CDKAL1: variants seen among roughly 807,000 people sequenced by gnomAD.
CDKAL1 encodes the protein CDKAL1 threonylcarbamoyladenosine tRNA methylthiotransferase.
CDKAL1 carries 32 observed loss-of-function variants against 68.2 expected under a neutral mutation model. The ratio of observed to expected loss-of-function variants is 0.47; its 90% CI spans 0.35 to 0.63. CDKAL1 has a LOEUF of 0.63. Ranked by LOEUF, CDKAL1 falls within the 30% of genes least tolerant of loss-of-function variation. The pLI is 0.00. For missense variants in CDKAL1, 606 were observed against 696.7 expected (o/e 0.87, Z 1.47); for synonymous variants, 234 against 244.3 (o/e 0.96, Z 0.39).
At chr6:20,939,039 A>G (rs548562309) in intron 9 of CDKAL1, among the ~76,000 whole-genome samples, 230 of 152,112 alleles carry the variant, frequency 1.5e-3, no homozygotes, top group African/African-American at 5.2e-3. Context: ...TTCTTCATTC[A>G]GTCAATAAAT....
chr6:20,898,577 T>C (rs1761811483), intron 9 of CDKAL1, among the ~76,000 whole-genome samples: 1 of 151,842 alleles, frequency 6.6e-6, no homozygotes, highest in African/African-American at 2.4e-5. Flanking sequence ...ATGGTAACTA[T>C]TTTTCTTGGC....
At chr6:20,984,347 C>CTTT (rs1766326431) in intron 10 of CDKAL1, among the ~76,000 whole-genome samples, 1 of 152,060 alleles carries the variant, frequency 6.6e-6, no homozygotes, top group South Asian at 2.1e-4. Flanking sequence ...GGTGCAGGAG[C>CTTT]TGGGGCAAGT....
chr6:20,895,235 A>G (rs1392229034), intron 9 of CDKAL1, among the ~76,000 whole-genome samples: 1 of 152,164 alleles, frequency 6.6e-6, no homozygotes, highest in South Asian at 2.1e-4. Flanking sequence ...GTATTCCATC[A>G]TGTGAATTTA....
At chr6:20,581,597 A>G (rs7744833) in intron 4 of CDKAL1, among the ~76,000 whole-genome samples, 42,274 of 152,060 alleles carry the variant, frequency 0.28, 6,059 homozygotes, top group Middle Eastern at 0.37. Flanking sequence ...GTCAGTGTTA[A>G]AGTGACCCCA....
chr6:21,168,108 G>A (rs73387929), intron 13 of CDKAL1, among the ~76,000 whole-genome samples: 1,673 of 152,316 alleles, frequency 0.011, 28 homozygotes, highest in African/African-American at 0.037. Flanking sequence ...CATGCTGACC[G>A]GTGGCTTGAG....
chr6:21,177,798 A>T (rs1777644726), intron 13 of CDKAL1, among the ~76,000 whole-genome samples: 1 of 152,196 alleles, frequency 6.6e-6, no homozygotes, highest in Non-Finnish European at 1.5e-5. Context: ...CAAAAAGATA[A>T]TGAGAGCAGA....
rs546474065 is a variant in CDKAL1 at position 20,964,102 on chromosome 6, C to T, written c.909+8517C>T. Reference sequence around the variant, plus strand: ...ATTAGAGAAATACAAATCAAAACCACAATGAAATACCATCTCACACCAGTC... The same window carrying T: ...ATTAGAGAAATACAAATCAAAACCATAATGAAATACCATCTCACACCAGTC... On this transcript the variant is annotated intron_variant, in intron 10 of 15. Transcript: ENST00000274695. 2.0e-5 allele frequency among the ~76,000 whole-genome samples: 3 copies of T among 151,728 alleles called. No individual in the cohort carries two copies. The South Asian group carries it at 6.2e-4, about 32-fold the overall frequency.
At chr6:20,971,226 T>C (rs1765582230) in intron 10 of CDKAL1, among the ~76,000 whole-genome samples, 1 of 152,210 alleles carries the variant, frequency 6.6e-6, no homozygotes, top group African/African-American at 2.4e-5. Flanking sequence ...TGATAGATAA[T>C]TGAGTTCCAC....
intron 5 of CDKAL1, among the ~76,000 whole-genome samples, chr6:20,675,069 G>GTT (rs375924682): frequency 6.7e-6 from 1 of 148,832 alleles, no homozygotes; most frequent in African/African-American, 2.5e-5. Context: ...ATTTCATATG[G>GTT]TTTTTTTTTT....
chr6:20,722,228 T>G (rs1050000111), intron 5 of CDKAL1: 5 of 152,738 alleles, frequency 3.3e-5, no homozygotes, highest in African/African-American at 1.2e-4. Flanking sequence ...TAATACGTTC[T>G]GAAATAGTTC....
intron 5 of CDKAL1, among the ~76,000 whole-genome samples, chr6:20,727,075 G>T (rs1472630198): frequency 6.6e-6 from 1 of 152,150 alleles, no homozygotes; most frequent in East Asian, 1.9e-4. Context: ...TTGCCTGATA[G>T]CTCCTATTGT....
At chr6:20,732,383 C>T (rs1772991880) in intron 5 of CDKAL1, among the ~76,000 whole-genome samples, 1 of 147,142 alleles carries the variant, frequency 6.8e-6, no homozygotes, top group Non-Finnish European at 1.5e-5. Context: ...TCAAGCGATT[C>T]TCCTGCCTCA....
At chr6:20,686,877 T>C (rs757503058) in intron 5 of CDKAL1, among the ~76,000 whole-genome samples, 18 of 152,172 alleles carry the variant, frequency 1.2e-4, no homozygotes, top group Non-Finnish European at 1.5e-4. Context: ...TTCACTGAGA[T>C]CTTTTATCAT....
At chr6:20,811,187 C>T (rs1776800565) in intron 8 of CDKAL1, among the ~76,000 whole-genome samples, 1 of 152,148 alleles carries the variant, frequency 6.6e-6, no homozygotes, top group South Asian at 2.1e-4. Context: ...AAAGACCCAG[C>T]CTTGATTTTT....
intron 4 of CDKAL1, among the ~76,000 whole-genome samples, chr6:20,579,914 G>A (rs1765072402): frequency 6.6e-6 from 1 of 152,196 alleles, no homozygotes; most frequent in Non-Finnish European, 1.5e-5. Context: ...GGGAGGGAAG[G>A]ATATGTAGGA....
intron 13 of CDKAL1, among the ~76,000 whole-genome samples, chr6:21,147,202 C>T (rs1164917613): frequency 6.6e-6 from 1 of 151,974 alleles, no homozygotes; most frequent in Non-Finnish European, 1.5e-5. Flanking sequence ...TTTTTTTCCC[C>T]CAATGTTTCT....
At chr6:21,183,582 A>G (rs1777884669) in intron 13 of CDKAL1, among the ~76,000 whole-genome samples, 1 of 152,188 alleles carries the variant, frequency 6.6e-6, no homozygotes, top group Admixed American at 6.5e-5. Flanking sequence ...GACGTCCAGT[A>G]GTAATGTTGA....
chr6:20,847,326 A>G (rs1385913495), intron 9 of CDKAL1, among the ~76,000 whole-genome samples: 2 of 152,152 alleles, frequency 1.3e-5, no homozygotes, highest in African/African-American at 4.8e-5. Flanking sequence ...AGCATAACCA[A>G]TACTTCCAAG....
intron 8 of CDKAL1, among the ~76,000 whole-genome samples, chr6:20,830,792 G>A (rs985576399): frequency 5.3e-5 from 8 of 152,120 alleles, no homozygotes; most frequent in Admixed American, 6.5e-5. Context: ...AGAACTATTG[G>A]TGTGGAAGTA....
Sources: gnomAD v4.1 joint callset for allele counts (sites outside exome capture counted in the v4.1 genomes callset) on GRCh38, gnomAD v4.1.1 for gene constraint, MANE v1.5 for transcripts, NCBI Gene and HGNC (gene_info 2026-07-23, HGNC 2026-07-21) for gene names.